ETFA: variants seen among roughly 807,000 people sequenced by gnomAD.
The protein encoded by ETFA is electron transfer flavoprotein subunit alpha.
In ETFA, 22 loss-of-function variants were observed where a neutral mutation model predicts 46.2. That is an observed-to-expected ratio of 0.48 (90% CI 0.34 to 0.68). The LOEUF (loss-of-function observed/expected upper bound fraction) is 0.68, where lower values mean the gene tolerates loss of function less well. Among genes scored for constraint, ETFA ranks in the 30% least tolerant of loss-of-function variants. ETFA has a pLI of 0.01. For synonymous variants in ETFA, 131 were observed against 139.9 expected (o/e 0.94, Z 0.45); for missense variants, 345 against 401.1 (o/e 0.86, Z 1.19).
intron 9 of ETFA, among the ~76,000 whole-genome samples, chr15:76,272,815 T>TATATAC (rs2039552462): frequency 6.8e-6 from 1 of 146,392 alleles, no homozygotes; most frequent in South Asian, 2.2e-4. Context: ...AATATATACA[T>TATATAC]ATATATATAT....
intron 2 of ETFA, among the ~76,000 whole-genome samples, chr15:76,292,946 G>A (rs576148353): frequency 1.3e-5 from 2 of 152,128 alleles, no homozygotes; most frequent in South Asian, 4.1e-4. Context: ...AGACCAGCCT[G>A]GCCAACATGG....
intron 1 of ETFA, among the ~76,000 whole-genome samples, chr15:76,309,446 G>C (rs554719182): frequency 6.6e-6 from 1 of 152,054 alleles, no homozygotes; most frequent in Non-Finnish European, 1.5e-5. Context: ...GCGAGACTCC[G>C]TCTCAAAACA....
At chr15:76,243,287 A>G (rs897391109) in intron 9 of ETFA, among the ~76,000 whole-genome samples, 1 of 151,958 alleles carries the variant, frequency 6.6e-6, no homozygotes, top group African/African-American at 2.4e-5. Context: ...AAAAGAAAAG[A>G]AAAAGAAAAA....
chr15:76,233,213 G>A (rs1028870475), intron 9 of ETFA, among the ~76,000 whole-genome samples: 1 of 151,868 alleles, frequency 6.6e-6, no homozygotes, highest in South Asian at 2.1e-4. Context: ...CTACATAGTC[G>A]GACAATGCAA....
At chr15:76,281,055 C>T (rs888703484) in intron 8 of ETFA, among the ~76,000 whole-genome samples, 1 of 151,548 alleles carries the variant, frequency 6.6e-6, no homozygotes, top group East Asian at 1.9e-4. Flanking sequence ...GCTAGGACTA[C>T]AGGTACGTGC....
intron 9 of ETFA, among the ~76,000 whole-genome samples, chr15:76,253,964 T>G (rs2039326350): frequency 6.6e-6 from 1 of 152,156 alleles, no homozygotes. Flanking sequence ...CAAAATCTGG[T>G]TAAAACACAG....
chr15:76,288,914 C>CTTTTTTT (rs1459392805), intron 4 of ETFA, among the ~76,000 whole-genome samples: 2 of 65,194 alleles, frequency 3.1e-5, no homozygotes, highest in African/African-American at 5.7e-5. Flanking sequence ...TCTTCTTCTT[C>CTTTTTTT]TTCTTCTTTT....
chr15:76,254,839 G>A (rs902306823), intron 9 of ETFA, among the ~76,000 whole-genome samples: 5 of 152,126 alleles, frequency 3.3e-5, no homozygotes, highest in African/African-American at 9.7e-5. Context: ...GTACAGCAGT[G>A]TGTGTTCTTA....
rs568964453 is a variant in ETFA at position 76,243,777 on chromosome 15, C to T, written c.817-12379G>A. ...TCATGCTGCTGCACTCTGGCCTGAGCGACAGAGCAAGACTCTGTCTCAAAA... is the reference window on the plus strand; with the variant it reads ...TCATGCTGCTGCACTCTGGCCTGAGTGACAGAGCAAGACTCTGTCTCAAAA... On this transcript the variant is annotated intron_variant, in intron 9 of 11. Transcript: ENST00000557943. Among the ~76,000 whole-genome samples the T allele has an allele frequency of 1.1e-4, 17 of 150,428 alleles. 1 individual carries two copies. The East Asian group carries it at 2.8e-3, about 25-fold the overall frequency.
At chr15:76,252,075 G>C (rs2039304261) in intron 9 of ETFA, among the ~76,000 whole-genome samples, 1 of 152,114 alleles carries the variant, frequency 6.6e-6, no homozygotes. Flanking sequence ...CACTGATCTT[G>C]TTTCCCAATA....
intron 9 of ETFA, among the ~76,000 whole-genome samples, chr15:76,251,104 G>T (rs966047668): frequency 1.2e-4 from 18 of 152,034 alleles, no homozygotes; most frequent in Admixed American, 1.0e-3. Context: ...AGGTGAAAGG[G>T]GCAGTAGGTA....
rs1045819755 is a variant in ETFA, at chr15:76,215,759, C to G, written c.*800G>C. 6.6e-6 allele frequency: 1 copy of G among 152,212 alleles called. No homozygotes were observed. The highest frequency in any genetic ancestry group is 1.5e-5 in the Non-Finnish European group (1 of 68,132). 9.4% of individuals were successfully genotyped at this position (152,212 alleles called of 1,614,324 possible). A position where few individuals can be genotyped will look rare whatever the true frequency, so the allele number is the denominator to read the frequency against. Reference sequence around the variant, plus strand: ...GCTTCCTAAGAGAGCCCAAAAGAAGCCAACAGAAGGCAAAAGAAAGGCTAG... The same window carrying G: ...GCTTCCTAAGAGAGCCCAAAAGAAGGCAACAGAAGGCAAAAGAAAGGCTAG... On this transcript the variant is annotated 3_prime_UTR_variant, in exon 12 of 12. Transcript: ENST00000557943.
intron 1 of ETFA, among the ~76,000 whole-genome samples, chr15:76,300,732 G>A (rs941995579): frequency 2.0e-5 from 3 of 151,942 alleles, no homozygotes; most frequent in East Asian, 1.9e-4. Flanking sequence ...TTTATCATGT[G>A]TTTATTTTAT....
intron 9 of ETFA, among the ~76,000 whole-genome samples, chr15:76,248,597 A>G (rs1481045072): frequency 1.3e-5 from 2 of 152,208 alleles, no homozygotes; most frequent in Non-Finnish European, 2.9e-5. Context: ...GAAAAGACAG[A>G]CATAAATGAA....
At chr15:76,260,223 A>C (rs2039393659) in intron 9 of ETFA, 1 of 1,288,798 alleles carries the variant, frequency 7.8e-7, no homozygotes, top group Non-Finnish European at 1.1e-6. Context: ...CAAGCTTTCC[A>C]ATGTGGCCTC....
intron 9 of ETFA, among the ~76,000 whole-genome samples, chr15:76,268,155 AATGCTTCAGCAATGGC>A (rs1053128486): frequency 8.2e-5 from 12 of 146,438 alleles, no homozygotes; most frequent in Non-Finnish European, 1.2e-4. Flanking sequence ...CTGAGTTACA[AATGCTTCAGCAATGGC>A]ATGCCTCCCA....
chr15:76,248,036 T>C (rs2039260346), intron 9 of ETFA, among the ~76,000 whole-genome samples: 1 of 152,222 alleles, frequency 6.6e-6, no homozygotes. Flanking sequence ...TTCCGATCAA[T>C]ATTTCAACTG....
At position 76,283,805 on chromosome 15, in the gene ETFA, CT is replaced by C; in HGVS notation, c.684del (p.Glu229ArgfsTer41). On this transcript the variant is annotated frameshift_variant, in exon 8 of 12. Coordinates refer to ENST00000557943, the MANE Select transcript of ETFA (RefSeq NM_000126.4). LOFTEE classifies it high-confidence loss of function. ...AAGTCATATAACAACTTAAAGTTCT[CT>C]CCACTCTTCAAGCCTCGACCTCATT... Reference protein sequence around the residue: ...VVSGGRGLKSGENFKLLYDLA... With the variant: ...VVSGGRGLKSXENFKLLYDLA... 1 of 1,611,580 alleles carries C rather than the reference CT, an allele frequency of 6.2e-7. No individual in the cohort carries two copies.
intron 1 of ETFA, among the ~76,000 whole-genome samples, chr15:76,310,839 C>T (rs2039989780): frequency 6.6e-6 from 1 of 151,004 alleles, no homozygotes. Flanking sequence ...GGCCACGCAG[C>T]CTCCCACCCC....
Sources: allele counts gnomAD v4.1 joint callset (sites outside exome capture counted in the v4.1 genomes callset), GRCh38; gene constraint gnomAD v4.1.1; transcripts MANE v1.5; gene names NCBI Gene and HGNC (gene_info 2026-07-23, HGNC 2026-07-21).